The following CHKA variants were observed in gnomAD, a reference collection of about 807,000 sequenced individuals.
CHKA encodes the protein CHETK-alpha.
Under a neutral mutation model 60.1 loss-of-function variants are expected in CHKA, and 34 were observed. That is an observed-to-expected ratio of 0.57 (90% CI 0.43 to 0.75). The LOEUF is 0.75. Among genes scored for constraint, CHKA ranks in the 30% least tolerant of loss-of-function variants. The pLI is 0.00. For missense variants in CHKA, 563 were observed against 561.3 expected (o/e 1.00, Z -0.03); for synonymous variants, 217 against 223.1 (o/e 0.97, Z 0.24).
chr11:68,061,716 T>C, intron 11 of CHKA: 2 of 569,312 alleles, frequency 3.5e-6, no homozygotes, highest in African/African-American at 1.8e-5. Context: ...TCAGCTGGCC[T>C]GGAAGTGAGG....
intron 3 of CHKA, among the ~76,000 whole-genome samples, chr11:68,076,343 A>G (rs1389914440): frequency 6.6e-6 from 1 of 152,202 alleles, no homozygotes; most frequent in East Asian, 1.9e-4. Flanking sequence ...ACAAAGATCT[A>G]GTATCTCTAT....
chr11:68,108,667 C>T (rs1858012403), intron 1 of CHKA, among the ~76,000 whole-genome samples: 1 of 152,168 alleles, frequency 6.6e-6, no homozygotes, highest in Non-Finnish European at 1.5e-5. Context: ...TGGCGTGAAC[C>T]TGGGAGGCGG....
intron 10 of CHKA, among the ~76,000 whole-genome samples, chr11:68,064,223 A>G (rs1234004030): frequency 6.6e-6 from 1 of 152,194 alleles, no homozygotes; most frequent in Admixed American, 6.5e-5. Context: ...CCTGGCCAAC[A>G]TGGCAAAAAC....
intron 1 of CHKA, among the ~76,000 whole-genome samples, chr11:68,101,826 C>T (rs894877788): frequency 1.3e-5 from 2 of 152,002 alleles, no homozygotes; most frequent in African/African-American, 2.4e-5. Flanking sequence ...ACTGGCCAAG[C>T]GCGTGGCTGA....
intron 11 of CHKA, 22 bp from the exon 12 acceptor site, chr11:68,054,069 G>C: frequency 1.2e-6 from 2 of 1,605,428 alleles, no homozygotes; most frequent in Non-Finnish European, 1.7e-6. Flanking sequence ...CAAAGAGAAG[G>C]CCTCAGCAAG....
chr11:68,082,907 T>C (rs1225210655), intron 2 of CHKA, among the ~76,000 whole-genome samples: 4 of 152,230 alleles, frequency 2.6e-5, no homozygotes, highest in Non-Finnish European at 4.4e-5. Context: ...CCCGTTACAA[T>C]GAAAGCTATA....
intron 11 of CHKA, among the ~76,000 whole-genome samples, chr11:68,059,905 A>G (rs1455950934): frequency 6.6e-6 from 1 of 152,102 alleles, no homozygotes; most frequent in East Asian, 1.9e-4. Flanking sequence ...GCTGGCAGGG[A>G]GAGTTGTAAG....
intron 2 of CHKA, among the ~76,000 whole-genome samples, chr11:68,085,386 CCTT>C (rs1464900837): frequency 6.6e-6 from 1 of 151,798 alleles, no homozygotes; most frequent in African/African-American, 2.4e-5. Context: ...CCATACCTAG[CCTT>C]TTTTTTTTTC....
chr11:68,066,120 T>G (rs1856435687), intron 8 of CHKA, among the ~76,000 whole-genome samples: 1 of 152,052 alleles, frequency 6.6e-6, no homozygotes, highest in African/African-American at 2.4e-5. Flanking sequence ...GAACCACTAC[T>G]CCAGAACATT....
Position 68,064,535 on chromosome 11 carries a change from C to T in CHKA, c.1222G>A (p.Glu408Lys). The T allele has an allele frequency of 1.3e-6, 2 of 1,541,728 alleles. No individual in the cohort carries two copies. The highest frequency in any genetic ancestry group is 2.3e-5 in the East Asian group (1 of 43,522). The change falls in exon 10 of 12, where the codon GAA becomes AAA. Residue 408 changes from glutamate (E) to lysine (K), a missense_variant. Glu to Lys is a moderately conservative substitution (Grantham distance 56). Coordinates refer to ENST00000265689, the MANE Select transcript of CHKA (RefSeq NM_001277.3). ...KSIIKEEMLL[E>K]VNRFALASHF... The stretch of plus-strand genomic sequence containing the variant: ...AAGGAAAAATGTTACCTATTAACTT[C>T]AAGCAACATTTCTTCTTTTATAATG...
At chr11:68,097,373 G>A (rs896751854) in intron 1 of CHKA, among the ~76,000 whole-genome samples, 1 of 152,268 alleles carries the variant, frequency 6.6e-6, no homozygotes, top group African/African-American at 2.4e-5. Flanking sequence ...GGTGGCTCAC[G>A]CCTGTAATCC....
At chr11:68,064,400 TC>T (rs1856367935) in intron 10 of CHKA, 124 bp downstream of exon 10, 1 of 517,654 alleles carries the variant, frequency 1.9e-6, no homozygotes, top group East Asian at 3.7e-5. Context: ...AGAGCAAGAC[TC>T]TGTCTCAAAA....
intron 4 of CHKA, among the ~76,000 whole-genome samples, chr11:68,074,230 T>G (rs923599377): frequency 6.6e-6 from 1 of 152,190 alleles, no homozygotes; most frequent in African/African-American, 2.4e-5. Context: ...GAGCAAGGCC[T>G]TGAAATCTAA....
chr11:68,088,261 C>T (rs1334178529), intron 2 of CHKA, among the ~76,000 whole-genome samples: 1 of 152,014 alleles, frequency 6.6e-6, no homozygotes, highest in Non-Finnish European at 1.5e-5. Flanking sequence ...TGAAACAACT[C>T]CCAGGTCATC....
At chr11:68,080,600 C>T (rs1348264942) in intron 3 of CHKA, among the ~76,000 whole-genome samples, 1 of 152,198 alleles carries the variant, frequency 6.6e-6, no homozygotes, top group Non-Finnish European at 1.5e-5. Flanking sequence ...CCTGCCTCAG[C>T]CTCCCAAAAT....
chr11:68,105,604 G>A (rs924885155), intron 1 of CHKA, among the ~76,000 whole-genome samples: 2 of 150,312 alleles, frequency 1.3e-5, no homozygotes, highest in Non-Finnish European at 3.0e-5. Context: ...TTAATTATTT[G>A]GGTTTTTTCC....
intron 1 of CHKA, among the ~76,000 whole-genome samples, chr11:68,106,100 A>T (rs1180825074): frequency 1.3e-5 from 2 of 152,252 alleles, no homozygotes; most frequent in Non-Finnish European, 2.9e-5. Flanking sequence ...GATTTTTGAA[A>T]AATTTCTTCT....
chr11:68,114,282 T>C (rs1010752876), intron 1 of CHKA, among the ~76,000 whole-genome samples: 1 of 152,244 alleles, frequency 6.6e-6, no homozygotes, highest in Admixed American at 6.5e-5. Context: ...TTATTCATAA[T>C]TGCCAAAACC....
chr11:68,086,340 A>G (rs886433252), intron 2 of CHKA, among the ~76,000 whole-genome samples: 7 of 152,122 alleles, frequency 4.6e-5, no homozygotes, highest in African/African-American at 7.2e-5. Context: ...AAAAAAATCA[A>G]TAAGTGGTAA....
Sources: allele counts gnomAD v4.1 joint callset (sites outside exome capture counted in the v4.1 genomes callset), GRCh38; gene constraint gnomAD v4.1.1; transcripts MANE v1.5; gene names NCBI Gene and HGNC (gene_info 2026-07-23, HGNC 2026-07-21).